GSAP: variants seen among roughly 807,000 people sequenced by gnomAD.
The protein encoded by GSAP is gamma-secretase-activating protein.
GSAP carries 118 observed loss-of-function variants against 131.7 expected under a neutral mutation model. The ratio of observed to expected loss-of-function variants is 0.90; its 90% CI spans 0.77 to 1.04. The LOEUF is 1.04. Ranked by LOEUF, GSAP falls within the 50% of genes least tolerant of loss-of-function variation. GSAP has a pLI of 0.00. For synonymous variants in GSAP, 381 were observed against 363.4 expected (o/e 1.05, Z -0.55); for missense variants, 1,019 against 1,013.2 (o/e 1.01, Z -0.08).
chr7:77,409,965 C>A (rs1802985175), intron 1 of GSAP, among the ~76,000 whole-genome samples: 2 of 152,220 alleles, frequency 1.3e-5, no homozygotes, highest in Middle Eastern at 3.4e-3. Flanking sequence ...CCAAGCCATA[C>A]CCAGGATATT....
chr7:77,339,285 G>C (rs1267808743), intron 19 of GSAP, among the ~76,000 whole-genome samples: 1 of 152,144 alleles, frequency 6.6e-6, no homozygotes, highest in Non-Finnish European at 1.5e-5. Context: ...CGCGAGCAGA[G>C]ATGAGGAAAC....
chr7:77,407,755 C>T (rs752550419), intron 1 of GSAP, among the ~76,000 whole-genome samples: 12 of 152,152 alleles, frequency 7.9e-5, no homozygotes, highest in Non-Finnish European at 1.8e-4. Flanking sequence ...AGCAACTGCA[C>T]TTGTACATAT....
intron 22 of GSAP, 97 bp downstream of exon 22, chr7:77,328,509 A>AGTGATTC: frequency 6.5e-7 from 1 of 1,530,780 alleles, no homozygotes; most frequent in Non-Finnish European, 8.7e-7. Flanking sequence ...CACTACTGGA[A>AGTGATTC]GTGATTCTCT....
intron 19 of GSAP, among the ~76,000 whole-genome samples, chr7:77,345,125 C>T (rs563475966): frequency 6.6e-5 from 10 of 152,280 alleles, no homozygotes; most frequent in African/African-American, 2.2e-4. Context: ...AATTATTAGT[C>T]CTTTAATATC....
At chr7:77,318,537 C>T (rs1435534494) in intron 26 of GSAP, among the ~76,000 whole-genome samples, 1 of 152,134 alleles carries the variant, frequency 6.6e-6, no homozygotes, top group Non-Finnish European at 1.5e-5. Flanking sequence ...CTCATTAGAA[C>T]TTTATATGCA....
chr7:77,376,822 G>T, intron 10 of GSAP, 26 bp downstream of exon 10: 2 of 1,095,804 alleles, frequency 1.8e-6, no homozygotes, highest in Non-Finnish European at 2.7e-6. Context: ...AAACTTTCCT[G>T]TAGTGTGATC....
At position 77,334,098 on chromosome 7, in the gene GSAP, C is replaced by T. The variant is rs1243566220; in HGVS notation, c.1546-3731G>A. On this transcript the variant is annotated intron_variant, in intron 19 of 30. Coordinates refer to ENST00000257626, the MANE Select transcript of GSAP (RefSeq NM_017439.4). The stretch of plus-strand genomic sequence containing the variant: ...GTGTATACCCAAAGGAATACAAATC[C>T]TTCTATTATAAAGCTACATGCACGT... Among the ~76,000 whole-genome samples the T allele has an allele frequency of 5.3e-5, 8 of 152,096 alleles. No individual in the cohort carries two copies. In the East Asian group the frequency reaches 1.5e-3, roughly 29 times the overall value.
At chr7:77,375,364 T>A (rs1780935637) in intron 10 of GSAP, among the ~76,000 whole-genome samples, 1 of 152,202 alleles carries the variant, frequency 6.6e-6, no homozygotes, top group South Asian at 2.1e-4. Context: ...TTGTCTTAGA[T>A]TTGAATATCA....
chr7:77,376,758 A>C, intron 10 of GSAP, 90 bp downstream of exon 10: 2 of 685,656 alleles, frequency 2.9e-6, no homozygotes, highest in East Asian at 5.9e-5. Flanking sequence ...CGTGTGCGAC[A>C]GAGTGAGACT....
chr7:77,410,121 G>A (rs1343133498), intron 1 of GSAP, among the ~76,000 whole-genome samples: 1 of 152,150 alleles, frequency 6.6e-6, no homozygotes, highest in East Asian at 1.9e-4. Flanking sequence ...TTGTTAGAGG[G>A]CATAACTTGG....
Position 77,360,827 on chromosome 7 carries a change from G to T in GSAP, c.1024C>A (p.Leu342Ile), listed in dbSNP as rs139959061. Residue 342 changes from leucine (L) to isoleucine (I), a missense_variant, in exon 14 of 31, where the codon CTT (leucine) becomes ATT (isoleucine). Leu to Ile is a conservative substitution (Grantham distance 5). Coordinates refer to ENST00000257626, the MANE Select transcript of GSAP (RefSeq NM_017439.4). ...GTGTGATCTCTCCATCACTCACCAAGGTTGAGAAAAGTAATGCCCTTTGTC... is the reference window on the plus strand; with the variant it reads ...GTGTGATCTCTCCATCACTCACCAATGTTGAGAAAAGTAATGCCCTTTGTC... ...HMTKGITFLN[L>I]DYYVAVYLPG... 1.2e-5 allele frequency: 18 copies of T among 1,554,882 alleles called. No homozygotes were observed. The highest frequency in any genetic ancestry group is 1.1e-4 in the African/African-American group (8 of 73,422).
chr7:77,347,612 C>T (rs1206484153), intron 19 of GSAP, among the ~76,000 whole-genome samples: 2 of 152,114 alleles, frequency 1.3e-5, no homozygotes, highest in African/African-American at 4.8e-5. Flanking sequence ...ACACTGCCAT[C>T]CAGTGGAATC....
chr7:77,360,697 G>A (rs929028499), intron 14 of GSAP, 127 bp downstream of exon 14: 3 of 594,898 alleles, frequency 5.0e-6, no homozygotes, highest in Non-Finnish European at 9.4e-6. Flanking sequence ...TTTCAAGTGG[G>A]TCATTGATTG....
At chr7:77,369,463 C>T (rs1795801735) in intron 12 of GSAP, among the ~76,000 whole-genome samples, 1 of 152,138 alleles carries the variant, frequency 6.6e-6, no homozygotes, top group Non-Finnish European at 1.5e-5. Context: ...GTCTTTATTT[C>T]TTAGTGCTGG....
At chr7:77,409,887 A>C (rs1271160155) in intron 1 of GSAP, among the ~76,000 whole-genome samples, 1 of 152,192 alleles carries the variant, frequency 6.6e-6, no homozygotes, top group East Asian at 1.9e-4. Context: ...TTATCCCATT[A>C]AACTAGTGGT....
intron 3 of GSAP, among the ~76,000 whole-genome samples, chr7:77,400,812 G>A (rs1213640782): frequency 6.6e-6 from 1 of 151,822 alleles, no homozygotes; most frequent in Non-Finnish European, 1.5e-5. Context: ...ATTTTAAAAC[G>A]GTCATAAAAA....
rs1803982272 is a variant in GSAP, at chr7:77,414,825, T to C, written c.109+1388A>G. Among the ~76,000 whole-genome samples, 3 of 142,426 alleles carry C rather than the reference T, an allele frequency of 2.1e-5. No individual in the cohort carries two copies. The South Asian group carries it at 6.9e-4, about 33-fold the overall frequency. 93.4% of individuals were successfully genotyped at this position (142,426 alleles called of 152,430 possible). The stretch of plus-strand genomic sequence containing the variant: ...TTCAAAAAGTTAAGCCTTCAAAAAC[T>C]TTTCAGACATGTGGGCGACTTTTTT... On this transcript the variant is annotated intron_variant, in intron 1 of 30. Transcript: ENST00000257626.
chr7:77,331,529 AAAAC>A (rs905955403), intron 19 of GSAP, among the ~76,000 whole-genome samples: 1 of 152,232 alleles, frequency 6.6e-6, no homozygotes, highest in Admixed American at 6.5e-5. Flanking sequence ...AGAAAACTTA[AAAAC>A]AAACAAACAA....
Position 77,397,136 on chromosome 7 carries a change from T to C in GSAP, c.314-101A>G, listed in dbSNP as rs991883877. The C allele has an allele frequency of 2.3e-5, 18 of 787,794 alleles. 1 individual carries two copies. The African/African-American group carries it at 2.4e-4, about 11-fold the overall frequency. The allele number at this position is 787,794 out of a possible 1,614,324, so 48.8% of individuals were successfully genotyped here. The stretch of plus-strand genomic sequence containing the variant: ...GAAATAGATGAGGGCTCAAAGGATA[T>C]GTCAACGGAAGATAAGGGCAGAACA... On this transcript the variant is annotated intron_variant, in intron 4 of 30. Transcript: ENST00000257626.
Sources: gnomAD v4.1 joint callset for allele counts (sites outside exome capture counted in the v4.1 genomes callset) on GRCh38, gnomAD v4.1.1 for gene constraint, MANE v1.5 for transcripts, NCBI Gene and HGNC (gene_info 2026-07-23, HGNC 2026-07-21) for gene names.